The following RARB variants were observed in gnomAD, a reference collection of about 807,000 sequenced individuals.
RARB encodes the protein retinoic acid receptor beta.
A neutral mutation model predicts 51.9 loss-of-function variants in RARB; 17 were observed. The observed-to-expected ratio is 0.33, with a 90% CI of 0.22 to 0.49. The LOEUF (loss-of-function observed/expected upper bound fraction) is 0.49, where lower values mean the gene tolerates loss of function less well. Among genes scored for constraint, RARB ranks in the 20% least tolerant of loss-of-function variants. The pLI is 0.99. For missense variants in RARB, 369 were observed against 550.8 expected (o/e 0.67, Z 3.30); for synonymous variants, 215 against 195.4 (o/e 1.10, Z -0.84).
At chr3:25,497,966 TG>T in intron 2 of RARB, among the ~76,000 whole-genome samples, 1 of 152,270 alleles carries the variant, frequency 6.6e-6, no homozygotes, top group East Asian at 1.9e-4. Flanking sequence ...CTTGAGTCAG[TG>T]CTGATGTGTG....
chr3:25,202,220 G>T (rs564970277), intron 5 of RARB, among the ~76,000 whole-genome samples: 1 of 152,064 alleles, frequency 6.6e-6, no homozygotes, highest in East Asian at 1.9e-4. Context: ...GTTTATTTGC[G>T]TAGAGGTGTT....
chr3:24,831,626 G>A (rs559017215), intron 1 of RARB, among the ~76,000 whole-genome samples: 1 of 151,696 alleles, frequency 6.6e-6, no homozygotes, highest in South Asian at 2.1e-4. Flanking sequence ...AAAAATACAT[G>A]ATGCTTATAG....
chr3:25,053,725 C>T (rs949002786), intron 2 of RARB, among the ~76,000 whole-genome samples: 1 of 152,106 alleles, frequency 6.6e-6, no homozygotes, highest in Non-Finnish European at 1.5e-5. Context: ...AATCACTTTG[C>T]TTTGAATGTT....
intron 2 of RARB, among the ~76,000 whole-genome samples, chr3:24,938,632 G>A (rs745518382): frequency 2.0e-5 from 3 of 152,046 alleles, no homozygotes; most frequent in South Asian, 2.1e-4. Flanking sequence ...CATTAAGCAC[G>A]CTCACAGTGT....
At chr3:25,458,495 T>C (rs997915697) in intron 1 of RARB, 1 of 152,220 alleles carries the variant, frequency 6.6e-6, no homozygotes, top group Non-Finnish European at 1.5e-5. Context: ...TCGCTTTCAG[T>C]GAAGCTGATT....
intron 2 of RARB, among the ~76,000 whole-genome samples, chr3:24,898,111 G>C (rs1330578726): frequency 6.6e-6 from 1 of 152,058 alleles, no homozygotes; most frequent in East Asian, 1.9e-4. Context: ...CATGGAGTTA[G>C]GAGTCAAGCC....
intron 5 of RARB, among the ~76,000 whole-genome samples, chr3:25,260,351 A>T (rs1480143271): frequency 2.6e-5 from 4 of 152,160 alleles, no homozygotes; most frequent in African/African-American, 7.2e-5. Context: ...AGAATTCCTA[A>T]AAGAGAACTG....
intron 4 of RARB, among the ~76,000 whole-genome samples, chr3:25,138,797 C>G (rs6804869): frequency 0.15 from 22,738 of 151,950 alleles, 1,845 homozygotes; most frequent in South Asian, 0.28. Flanking sequence ...TGCAGACATA[C>G]CTCATTATAT....
chr3:25,175,681 C>T (rs1393428246), intron 5 of RARB, among the ~76,000 whole-genome samples: 2 of 152,136 alleles, frequency 1.3e-5, no homozygotes, highest in Non-Finnish European at 2.9e-5. Context: ...GATAGACTTG[C>T]ACTTTTGGGA....
chr3:24,997,707 T>A (rs1182692921), intron 2 of RARB, among the ~76,000 whole-genome samples: 1 of 152,102 alleles, frequency 6.6e-6, no homozygotes, highest in Non-Finnish European at 1.5e-5. Context: ...TAATATAATT[T>A]ATTAAACTAT....
At chr3:25,294,832 A>G (rs73154970) in intron 5 of RARB, among the ~76,000 whole-genome samples, 38,632 of 151,918 alleles carry the variant, frequency 0.25, 5,922 homozygotes, top group African/African-American at 0.43. Flanking sequence ...GGGGGAAGGA[A>G]GAGGAAAAAT....
At chr3:25,147,334 C>A (rs58335003) in intron 4 of RARB, among the ~76,000 whole-genome samples, 5,481 of 152,140 alleles carry the variant, frequency 0.036, 319 homozygotes, top group African/African-American at 0.12. Flanking sequence ...CCCTGCTAAT[C>A]CTGTGAGTTC....
intron 5 of RARB, among the ~76,000 whole-genome samples, chr3:25,218,040 A>G (rs1296033942): frequency 3.9e-5 from 6 of 152,178 alleles, no homozygotes; most frequent in Non-Finnish European, 8.8e-5. Context: ...CATTATTGCC[A>G]TTCAATAAAG....
chr3:25,274,113 C>A (rs976580797), intron 5 of RARB, among the ~76,000 whole-genome samples: 3 of 152,184 alleles, frequency 2.0e-5, no homozygotes, highest in Non-Finnish European at 4.4e-5. Flanking sequence ...ACCTTTTGAT[C>A]ACCACATTAA....
chr3:25,005,032 T>C (rs773222069), intron 2 of RARB, among the ~76,000 whole-genome samples: 1 of 152,166 alleles, frequency 6.6e-6, no homozygotes, highest in Non-Finnish European at 1.5e-5. Flanking sequence ...ATCAAATTTA[T>C]AAAATTTATT....
At chr3:24,994,362 T>C (rs576399567) in intron 2 of RARB, among the ~76,000 whole-genome samples, 4 of 152,212 alleles carry the variant, frequency 2.6e-5, no homozygotes, top group Admixed American at 1.3e-4. Flanking sequence ...TTTTTCTTGT[T>C]GAGTTATCTG....
intron 4 of RARB, among the ~76,000 whole-genome samples, chr3:25,147,113 G>A (rs900658502): frequency 3.3e-5 from 5 of 152,284 alleles, no homozygotes; most frequent in Middle Eastern, 3.4e-3. Flanking sequence ...AAACTCACGT[G>A]AAGATAAAAT....
chr3:25,318,434 G>T (rs7636162), intron 5 of RARB, among the ~76,000 whole-genome samples: 3,604 of 152,192 alleles, frequency 0.024, 122 homozygotes, highest in African/African-American at 0.079. Context: ...CAATTTTATT[G>T]AACATAAGGA....
chr3:24,880,411 C>T (rs914415835), intron 2 of RARB, among the ~76,000 whole-genome samples: 1 of 151,792 alleles, frequency 6.6e-6, no homozygotes, highest in Non-Finnish European at 1.5e-5. Context: ...GAAGATAAAG[C>T]CTCCATAAAA....
Sources: allele counts gnomAD v4.1 joint callset (sites outside exome capture counted in the v4.1 genomes callset), GRCh38; gene constraint gnomAD v4.1.1; transcripts MANE v1.5; gene names NCBI Gene and HGNC (gene_info 2026-07-23, HGNC 2026-07-21).